The following AK8 variants were observed in gnomAD, a reference collection of about 807,000 sequenced individuals.
AK8 encodes the protein ATP-AMP transphosphorylase 8.
A neutral mutation model predicts 54.6 loss-of-function variants in AK8; 44 were observed. The observed-to-expected ratio is 0.81, with a 90% CI of 0.63 to 1.04. AK8 has a LOEUF of 1.04. AK8 is among the 50% of genes least tolerant of loss of function. The probability of loss-of-function intolerance (pLI) is 0.00; values close to 1 mark genes in which losing one functional copy is unlikely to be tolerated. For synonymous variants in AK8, 239 were observed against 245.6 expected (o/e 0.97, Z 0.25); for missense variants, 555 against 613.6 (o/e 0.90, Z 1.01).
Position 132,825,546 on chromosome 9 carries a change from G to A in AK8, c.757+1308C>T, listed in dbSNP as rs1244973934. ...ATGCAAAATCACTGGAAAATTATAAGCCATCATAAGCCTGGCATTTCTTCT... is the reference window on the plus strand; with the variant it reads ...ATGCAAAATCACTGGAAAATTATAAACCATCATAAGCCTGGCATTTCTTCT... On this transcript the variant is annotated intron_variant, in intron 8 of 12. Coordinates refer to ENST00000298545, the MANE Select transcript of AK8 (RefSeq NM_152572.3). Among the ~76,000 whole-genome samples, 19 of 152,298 alleles carry A rather than the reference G, an allele frequency of 1.2e-4. No individual in the cohort carries two copies. The East Asian group carries it at 3.3e-3, about 26-fold the overall frequency.
intron 2 of AK8, among the ~76,000 whole-genome samples, chr9:132,870,488 A>G (rs1470632353): frequency 6.6e-6 from 1 of 152,208 alleles, no homozygotes; most frequent in Non-Finnish European, 1.5e-5. Flanking sequence ...GCTCTAATAC[A>G]CAGCTTTCTT....
chr9:132,734,985 C>T (rs371627740), intron 11 of AK8, among the ~76,000 whole-genome samples: 6 of 152,262 alleles, frequency 3.9e-5, no homozygotes, highest in South Asian at 2.1e-4. Context: ...GAGTGGAGAT[C>T]GCGCCACTGC....
Position 132,837,702 on chromosome 9 carries a change from G to A in AK8, c.403-8976C>T, listed in dbSNP as rs1842382889. On this transcript the variant is annotated intron_variant, in intron 5 of 12. Coordinates refer to ENST00000298545, the MANE Select transcript of AK8 (RefSeq NM_152572.3). This position sits in a 1 kb window ranked among gnomAD's most constrained non-coding sequence, Gnocchi z 4.3. ...GCTACGGCTCTGTATGCAGACACAT[G>A]ATCCACACGTGCCCTTAAGAAGCCC... is the stretch of plus-strand genomic sequence containing the variant. Among the ~76,000 whole-genome samples the A allele has an allele frequency of 6.6e-6, 1 of 152,110 alleles. No homozygotes were observed. Among genetic ancestry groups the A allele is most frequent in the Non-Finnish European group, 1.5e-5 (1 of 68,034 alleles).
intron 3 of AK8, 67 bp downstream of exon 3, chr9:132,866,837 T>A: frequency 6.8e-7 from 1 of 1,464,170 alleles, no homozygotes; most frequent in Non-Finnish European, 9.6e-7. Context: ...GGAGGTGCAG[T>A]CTCATTCCAG....
At chr9:132,746,436 C>T (rs1837656898) in intron 11 of AK8, among the ~76,000 whole-genome samples, 1 of 152,212 alleles carries the variant, frequency 6.6e-6, no homozygotes, top group African/African-American at 2.4e-5. Context: ...CAAGGGCAGC[C>T]CCAGGTTCCC....
chr9:132,747,438 G>A (rs1162727776), intron 11 of AK8, among the ~76,000 whole-genome samples: 1 of 140,906 alleles, frequency 7.1e-6, no homozygotes, highest in Non-Finnish European at 1.5e-5. Flanking sequence ...CAGGCATAAG[G>A]CACTGCACCC....
At chr9:132,744,903 G>A (rs890360627) in intron 11 of AK8, among the ~76,000 whole-genome samples, 3 of 152,182 alleles carry the variant, frequency 2.0e-5, no homozygotes, top group South Asian at 2.1e-4. Flanking sequence ...CGGTTTACCC[G>A]CTGGCTTGAT....
upstream of AK8, chr9:132,878,528 T>A (rs886117538): frequency 2.5e-5 from 29 of 1,181,766 alleles, no homozygotes; most frequent in African/African-American, 2.7e-4. The surrounding 1 kb of genome is among the most constrained non-coding windows in gnomAD (Gnocchi z 4.7). Context: ...GGCCTCCTCG[T>A]ATCTGAGACC....
chr9:132,808,637 A>G (rs1031162283), intron 10 of AK8, among the ~76,000 whole-genome samples: 12 of 152,216 alleles, frequency 7.9e-5, no homozygotes, highest in Non-Finnish European at 1.5e-4. Context: ...TAAGAGCAAG[A>G]GGCTGCACGG....
chr9:132,805,756 C>T (rs1840691606), intron 10 of AK8, among the ~76,000 whole-genome samples: 1 of 152,056 alleles, frequency 6.6e-6, no homozygotes, highest in African/African-American at 2.4e-5. Flanking sequence ...ACGCTTTTAC[C>T]CTGCCACTCT....
At chr9:132,856,007 C>T (rs545780976) in intron 4 of AK8, among the ~76,000 whole-genome samples, 5 of 152,104 alleles carry the variant, frequency 3.3e-5, no homozygotes, top group Non-Finnish European at 7.4e-5. Flanking sequence ...GGAAGCTGAG[C>T]CTGGGAGAGG....
In AK8 at chr9:132,726,796, A is replaced by G. The variant is rs1211214913; in HGVS notation, c.1202+658T>C. Among the ~76,000 whole-genome samples the G allele has an allele frequency of 7.9e-5, 12 of 152,262 alleles. No individual in the cohort carries two copies. The East Asian group carries it at 2.3e-3, about 29-fold the overall frequency. On this transcript the variant is annotated intron_variant, in intron 12 of 12. Coordinates refer to ENST00000298545, the MANE Select transcript of AK8 (RefSeq NM_152572.3). ...AGGGACAGGGTGACATGAAGGCCAC[A>G]GCACTTGAGATGGGAAAGCTAAAAA...
At chr9:132,843,638 G>A (rs1451371182) in intron 5 of AK8, among the ~76,000 whole-genome samples, 1 of 152,158 alleles carries the variant, frequency 6.6e-6, no homozygotes, top group Non-Finnish European at 1.5e-5. Context: ...ACCGCAGGCA[G>A]GCCCAGGACA....
chr9:132,877,882 G>C (rs1375791872), intron 1 of AK8: 2 of 691,696 alleles, frequency 2.9e-6, no homozygotes, highest in South Asian at 1.5e-5. Context: ...GAAAGGACTG[G>C]TTCCAGACCA....
chr9:132,732,924 G>A (rs1237653793), intron 11 of AK8, among the ~76,000 whole-genome samples: 1 of 152,132 alleles, frequency 6.6e-6, no homozygotes, highest in East Asian at 1.9e-4. Context: ...AAACAACTAT[G>A]AGTCCCTGAG....
intron 8 of AK8, 142 bp from the exon 9 acceptor site, chr9:132,823,478 C>T (rs558951698): frequency 5.4e-5 from 66 of 1,228,968 alleles, no homozygotes; most frequent in Non-Finnish European, 6.6e-5. Context: ...GTGCATCTGG[C>T]GAAGAGGCAG....
intron 4 of AK8, among the ~76,000 whole-genome samples, chr9:132,861,933 C>G (rs868514529): frequency 1.3e-5 from 2 of 152,164 alleles, no homozygotes; most frequent in Non-Finnish European, 2.9e-5. Flanking sequence ...CAACAAGACA[C>G]CCTTGAAAGC....
chr9:132,814,775 G>C (rs757371031), intron 9 of AK8, 48 bp from the exon 10 acceptor site: 1 of 1,547,352 alleles, frequency 6.5e-7, no homozygotes, highest in Non-Finnish European at 8.8e-7. Flanking sequence ...TTAAATAGGA[G>C]GAAGGATGAG....
chr9:132,857,383 T>C (rs1843212761), intron 4 of AK8, among the ~76,000 whole-genome samples: 1 of 152,068 alleles, frequency 6.6e-6, no homozygotes, highest in African/African-American at 2.4e-5. Context: ...CCCCGGGGTC[T>C]GGGGGAAGCT....
Sources: gnomAD v4.1 joint callset for allele counts (sites outside exome capture counted in the v4.1 genomes callset) on GRCh38, gnomAD v4.1.1 for gene constraint, Gnocchi (gnomAD v3.1) non-coding constraint, MANE v1.5 for transcripts, NCBI Gene and HGNC (gene_info 2026-07-23, HGNC 2026-07-21) for gene names.